Variants in ADCY2 observed in about 807,000 individuals in gnomAD.
The protein encoded by ADCY2 is adenylate cyclase type 2.
Under a neutral mutation model 125.2 loss-of-function variants are expected in ADCY2, and 31 were observed. That is an observed-to-expected ratio of 0.25 (90% CI 0.19 to 0.33). ADCY2 has a LOEUF of 0.33. ADCY2 is among the 10% of genes least tolerant of loss of function. ADCY2 has a pLI of 1.00. For missense variants in ADCY2, 904 were observed against 1,418.2 expected (o/e 0.64, Z 5.82); for synonymous variants, 512 against 548.4 (o/e 0.93, Z 0.93).
intron 3 of ADCY2, among the ~76,000 whole-genome samples, chr5:7,576,396 T>C (rs1579590786): frequency 6.6e-6 from 1 of 152,336 alleles, no homozygotes; most frequent in South Asian, 2.1e-4. Flanking sequence ...CCCATTCCTC[T>C]CTGTTGCATC....
chr5:7,784,851 G>A (rs1579432769), intron 19 of ADCY2, among the ~76,000 whole-genome samples: 1 of 151,824 alleles, frequency 6.6e-6, no homozygotes, highest in East Asian at 1.9e-4. Context: ...TTTGAACTGG[G>A]CCTGAATACC....
intron 4 of ADCY2, among the ~76,000 whole-genome samples, chr5:7,681,652 G>C (rs756691553): frequency 6.6e-6 from 1 of 152,094 alleles, no homozygotes; most frequent in Non-Finnish European, 1.5e-5. Flanking sequence ...CTCACCCAGG[G>C]GTGCTTCCAG....
intron 2 of ADCY2, among the ~76,000 whole-genome samples, chr5:7,443,613 C>A (rs1217901973): frequency 7.8e-5 from 9 of 115,218 alleles, no homozygotes; most frequent in African/African-American, 2.8e-4. Flanking sequence ...GCACTCCAGC[C>A]TGGGCGACAG....
At chr5:7,518,991 G>A (rs17826786) in intron 2 of ADCY2, among the ~76,000 whole-genome samples, 12,683 of 152,220 alleles carry the variant, frequency 0.083, 747 homozygotes, top group Non-Finnish European at 0.13. Context: ...TCTTCAGGTC[G>A]GAGTGCCTTA....
chr5:7,691,042 C>A, intron 5 of ADCY2: 1 of 481,572 alleles, frequency 2.1e-6, no homozygotes, highest in Non-Finnish European at 3.3e-6. Context: ...AAATAGGATG[C>A]TGTTTGCTGT....
chr5:7,778,759 A>G (rs1258926926), intron 18 of ADCY2, among the ~76,000 whole-genome samples: 1 of 152,190 alleles, frequency 6.6e-6, no homozygotes, highest in Non-Finnish European at 1.5e-5. Flanking sequence ...TATTTTCACA[A>G]TGTCCTAACG....
chr5:7,686,756 T>C (rs73737612), intron 4 of ADCY2, among the ~76,000 whole-genome samples: 2,124 of 152,330 alleles, frequency 0.014, 55 homozygotes, highest in African/African-American at 0.049. Context: ...AAAATATTAA[T>C]GGAATTATTA....
rs545380269 is a variant in ADCY2 at position 7,444,407 on chromosome 5, G to A, written c.408+29637G>A. Among the ~76,000 whole-genome samples the A allele has an allele frequency of 7.2e-5, 11 of 152,018 alleles. No individual in the cohort carries two copies. In the South Asian group the frequency reaches 1.0e-3, roughly 14 times the overall value. On this transcript the variant is annotated intron_variant, in intron 2 of 24. Transcript: ENST00000338316. ...TGTGATTACAGGTGTGAGCCACCGC[G>A]CCGGGGCTGTTTTTATCTTTTTAGT...
intron 12 of ADCY2, among the ~76,000 whole-genome samples, chr5:7,719,362 T>G (rs1476507319): frequency 6.6e-6 from 1 of 152,162 alleles, no homozygotes; most frequent in East Asian, 1.9e-4. Flanking sequence ...AAAGGGAAAT[T>G]TTTCAAATGG....
At position 7,761,275 on chromosome 5, in the gene ADCY2, G is replaced by T. The variant is rs1743201300; in HGVS notation, c.2094+3689G>T. ...AATGATTCTCCTGCCTCAGCCCCCT[G>T]AGTAGCTGGGATTTCAGGCACCCAC... On this transcript the variant is annotated intron_variant, in intron 16 of 24. Coordinates refer to ENST00000338316, the MANE Select transcript of ADCY2 (RefSeq NM_020546.3). Among the ~76,000 whole-genome samples, 6 of 144,918 alleles carry T rather than the reference G, an allele frequency of 4.1e-5. No individual in the cohort carries two copies. In the South Asian group the frequency reaches 1.3e-3, roughly 33 times the overall value.
At chr5:7,759,928 G>A (rs1165528496) in intron 16 of ADCY2, among the ~76,000 whole-genome samples, 2 of 151,994 alleles carry the variant, frequency 1.3e-5, no homozygotes, top group Non-Finnish European at 2.9e-5. Context: ...GGGGGTGGTG[G>A]GGAGTGGTTC....
rs144622108 is a variant in ADCY2, at chr5:7,560,025, G to T, written c.570+39126G>T. Among the ~76,000 whole-genome samples, 993 of 152,280 alleles carry T rather than the reference G, an allele frequency of 6.5e-3. 11 individuals carry two copies. The highest frequency in any genetic ancestry group is 0.022 in the African/African-American group (897 of 41,556). On this transcript the variant is annotated intron_variant, in intron 3 of 24. Transcript: ENST00000338316. ...CCATTGATAGGAAAGTGAATAATCA[G>T]TTGTGGTTTATTCAAAGACAAGAGC... is the stretch of plus-strand genomic sequence containing the variant.
intron 5 of ADCY2, among the ~76,000 whole-genome samples, chr5:7,693,421 T>G (rs5025062): frequency 0.45 from 54,175 of 120,394 alleles, 11,315 homozygotes; most frequent in East Asian, 0.76. Context: ...TTGTTTTTTT[T>G]TTTTTTTTTT....
chr5:7,579,767 C>A (rs766784453), intron 3 of ADCY2, among the ~76,000 whole-genome samples: 4 of 152,104 alleles, frequency 2.6e-5, no homozygotes, highest in Non-Finnish European at 4.4e-5. Flanking sequence ...AAGAGACAAT[C>A]AGTGGAAACC....
intron 4 of ADCY2, among the ~76,000 whole-genome samples, chr5:7,689,792 T>G (rs1007336658): frequency 6.6e-6 from 1 of 152,218 alleles, no homozygotes; most frequent in African/African-American, 2.4e-5. Flanking sequence ...GAACAAATAT[T>G]TGTTTATCAA....
At chr5:7,480,048 C>A (rs924284522) in intron 2 of ADCY2, among the ~76,000 whole-genome samples, 8 of 152,044 alleles carry the variant, frequency 5.3e-5, no homozygotes. Flanking sequence ...AAATACAAAT[C>A]AAAACCACAA....
At position 7,422,476 on chromosome 5, in the gene ADCY2, A is replaced by C. The variant is rs534910517; in HGVS notation, c.408+7706A>C. On this transcript the variant is annotated intron_variant, in intron 2 of 24. Coordinates refer to ENST00000338316, the MANE Select transcript of ADCY2 (RefSeq NM_020546.3). ...ATGTCTTCTGCTCATTCATGGGCTTAAAGAGCCATCAGTGTGGTCAGGAAG... is the reference window on the plus strand; with the variant it reads ...ATGTCTTCTGCTCATTCATGGGCTTCAAGAGCCATCAGTGTGGTCAGGAAG... Among the ~76,000 whole-genome samples, 3 of 152,230 alleles carry C rather than the reference A, an allele frequency of 2.0e-5. No individual in the cohort carries two copies. In the South Asian group the frequency reaches 6.2e-4, roughly 32 times the overall value.
intron 20 of ADCY2, chr5:7,796,971 C>T (rs1383253668): frequency 6.6e-6 from 1 of 152,248 alleles, no homozygotes; most frequent in Non-Finnish European, 1.5e-5. Flanking sequence ...CTGATCAAAA[C>T]AAGCCACATG....
chr5:7,684,755 C>G (rs1238114313), intron 4 of ADCY2, among the ~76,000 whole-genome samples: 4 of 144,688 alleles, frequency 2.8e-5, no homozygotes, highest in Non-Finnish European at 6.0e-5. Flanking sequence ...CCCTTGGAGC[C>G]ACATCTATGT....
Sources: allele counts gnomAD v4.1 joint callset (sites outside exome capture counted in the v4.1 genomes callset), GRCh38; gene constraint gnomAD v4.1.1; transcripts MANE v1.5; gene names NCBI Gene and HGNC (gene_info 2026-07-23, HGNC 2026-07-21).